NOTCH3: variants seen among roughly 807,000 people sequenced by gnomAD.
The protein encoded by NOTCH3 is notch receptor 3, also known as neurogenic locus notch homolog protein 3.
NOTCH3 carries 86 observed loss-of-function variants against 213.3 expected under a neutral mutation model. The observed-to-expected ratio is 0.40, with a 90% CI of 0.34 to 0.48. NOTCH3 has a LOEUF of 0.48. Ranked by LOEUF, NOTCH3 falls within the 20% of genes least tolerant of loss-of-function variation. NOTCH3 has a pLI of 0.57. For synonymous variants in NOTCH3, 1,354 were observed against 1,355.9 expected (o/e 1.00, Z 0.03); for missense variants, 2,783 against 3,272.6 (o/e 0.85, Z 3.65).
In NOTCH3 at chr19:15,181,229, AGTCCCGCTGTTAGCGCTGGGGAC is replaced by A. The variant is rs1017516533; in HGVS notation, c.2793-90_2793-68del. ...CTCACAGGCCCTGCCCTCCTTCCTG[AGTCCCGCTGTTAGCGCTGGGGAC>A]GTCCCACTCCCTGACCCTTATCTCG... On this transcript the variant is annotated intron_variant, in intron 17 of 32. Coordinates refer to ENST00000263388, the MANE Select transcript of NOTCH3 (RefSeq NM_000435.3). 2.1e-6 allele frequency: 3 copies of A among 1,429,832 alleles called. No individual in the cohort carries two copies. In the African/African-American group the frequency reaches 4.2e-5, roughly 20 times the overall value. 88.6% of individuals were successfully genotyped at this position (1,429,832 alleles called of 1,614,324 possible). A position where few individuals can be genotyped will look rare whatever the true frequency, so the allele number is the denominator to read the frequency against.
intron 31 of NOTCH3, among the ~76,000 whole-genome samples, chr19:15,164,956 A>C (rs1364391285): frequency 2.6e-5 from 4 of 152,122 alleles, no homozygotes; most frequent in African/African-American, 9.7e-5. Flanking sequence ...AATCTTTCAA[A>C]AAACTTTTGT....
Position 15,189,285 on chromosome 19 carries a change from C to T in NOTCH3, c.1180G>A (p.Glu394Lys), listed in dbSNP as rs1255386444. 6.2e-7 allele frequency: 1 copy of T among 1,614,086 alleles called. No homozygotes were observed. Among genetic ancestry groups the T allele is most frequent in the Non-Finnish European group, 8.5e-7 (1 of 1,180,032 alleles). ...GAGCTCCCCTCACCGATAGAGCACTCGTCCACATCCTGGTCACATGCCCCA... is the reference window on the plus strand; with the variant it reads ...GAGCTCCCCTCACCGATAGAGCACTTGTCCACATCCTGGTCACATGCCCCA... ...TGGACDQDVD[E>K]CSIGANPCEH... The change falls in exon 7 of 33, where the codon GAG becomes AAG. Residue 394 changes from glutamate to lysine, a missense_variant. Physicochemically the swap from Glu to Lys is moderately conservative, Grantham distance 56 (BLOSUM62 1). This residue lies in a region of NOTCH3 where 708 missense variants were observed against 906.6 expected (regional missense o/e 0.78). Coordinates refer to ENST00000263388, the MANE Select transcript of NOTCH3 (RefSeq NM_000435.3).
chr19:15,160,269 TAA>T lies in NOTCH3; in HGVS notation c.*391_*392del, dbSNP rs1468451420. 1.7e-5 allele frequency: 4 copies of T among 240,718 alleles called. No individual in the cohort carries two copies. The highest frequency in any genetic ancestry group is 6.7e-5 in the African/African-American group (3 of 44,928). 14.9% of individuals were successfully genotyped at this position (240,718 alleles called of 1,614,324 possible). ...TATATTTTGTAAAAAATAATAATAA[TAA>T]GTTTGTTTAAATGAATTTGTTTCTA... On this transcript the variant is annotated 3_prime_UTR_variant, in exon 33 of 33. Transcript: ENST00000263388.
rs2046876780 is a variant in NOTCH3, at chr19:15,185,738, G to A, written c.1952-59C>T. On this transcript the variant is annotated intron_variant, in intron 12 of 32. Coordinates refer to ENST00000263388, the MANE Select transcript of NOTCH3 (RefSeq NM_000435.3). This position sits in a 1 kb window ranked among gnomAD's most constrained non-coding sequence, Gnocchi z 4.2. ...AAAGTCAGCAGGGACAACCAGGGAG[G>A]GACGACGTGACCCCACTTAGCACAC... is the stretch of plus-strand genomic sequence containing the variant. The A allele has an allele frequency of 6.4e-7, 1 of 1,563,362 alleles. No homozygotes were observed. Among genetic ancestry groups the A allele is most frequent in the Non-Finnish European group, 8.8e-7 (1 of 1,141,618 alleles).
In NOTCH3 at chr19:15,192,337, C is replaced by T. The variant is rs1447376078; in HGVS notation, c.341-39G>A. On this transcript the variant is annotated intron_variant, in intron 3 of 32. Transcript: ENST00000263388. ...GACAGGGTGAGTTTAGGACTGACCACACCCCCGACTACCTCCCCTCCAGAC... is the reference window on the plus strand; with the variant it reads ...GACAGGGTGAGTTTAGGACTGACCATACCCCCGACTACCTCCCCTCCAGAC... The T allele has an allele frequency of 2.5e-6, 4 of 1,612,478 alleles. No homozygotes were observed. The African/African-American group carries it at 5.3e-5, about 22-fold the overall frequency.
chr19:15,167,267 C>T lies in NOTCH3; in HGVS notation c.5344G>A (p.Val1782Ile), dbSNP rs2145394556. The T allele has an allele frequency of 1.2e-6, 2 of 1,613,158 alleles. No individual in the cohort carries two copies. The highest frequency in any genetic ancestry group is 1.7e-6 in the Non-Finnish European group (2 of 1,179,382). Residue 1782 changes from valine (V) to isoleucine (I), a missense_variant, in exon 29 of 33, where the codon GTC becomes ATC. This residue lies in a region of NOTCH3 where 636 missense variants were observed against 801.8 expected (regional missense o/e 0.79). Transcript: ENST00000263388. Reference sequence around the variant, plus strand: ...CACTAACCTGGGCCACGCACATTGACATCCATGCCATCAGCATCTGCGTCG... The same window carrying T: ...CACTAACCTGGGCCACGCACATTGATATCCATGCCATCAGCATCTGCGTCG... ...QGDADADGMD[V>I]NVRGPDGFTP...
Position 15,179,456 on chromosome 19 carries a change from ACG to A in NOTCH3, c.3366_3367del (p.Val1123GlyfsTer16). On this transcript the variant is annotated frameshift_variant, in exon 21 of 33. Transcript: ENST00000263388. LOFTEE classifies it high-confidence loss of function. ...GCAGGGCTGGGAGGCACACTCGTCC[ACG>A]TCGTCCTCACAGTTATCACCATTGT... 6.2e-7 allele frequency: 1 copy of A among 1,614,134 alleles called. No homozygotes were observed. The highest frequency in any genetic ancestry group is 8.5e-7 in the Non-Finnish European group (1 of 1,180,034).
chr19:15,170,479 C>T lies in NOTCH3; in HGVS notation c.4966G>A (p.Val1656Ile). The T allele has an allele frequency of 6.2e-7, 1 of 1,607,226 alleles. No individual in the cohort carries two copies. Among genetic ancestry groups the T allele is most frequent in the South Asian group, 1.1e-5 (1 of 91,086 alleles). The change falls in exon 27 of 33, where the codon GTC (valine) becomes ATC (isoleucine). Residue 1656 changes from valine (V) to isoleucine (I), a missense_variant. Physicochemically the swap from Val to Ile is conservative, Grantham distance 29. Transcript: ENST00000263388. ...LLVAGAVLLL[V>I]ILVLGVMVAR... ...ACCATGACACCCAGGACGAGAATGACCAGCAGCAAGACAGCGCCCGCCACT... is the reference window on the plus strand; with the variant it reads ...ACCATGACACCCAGGACGAGAATGATCAGCAGCAAGACAGCGCCCGCCACT...
chr19:15,197,465 CAG>C, intron 2 of NOTCH3, 33 bp downstream of exon 2: 2 of 1,425,902 alleles, frequency 1.4e-6, no homozygotes, highest in Non-Finnish European at 2.0e-6. Flanking sequence ...CCCCCACACA[CAG>C]GGCCCACTGG....
At chr19:15,195,035 G>A (rs2046958713) in intron 2 of NOTCH3, among the ~76,000 whole-genome samples, 1 of 151,554 alleles carries the variant, frequency 6.6e-6, no homozygotes. Flanking sequence ...CACACAGACA[G>A]GCCCAGAAAC....
rs889655344 is a variant in NOTCH3, at chr19:15,165,692, G to C, written c.5667+95C>G. ...CCATATATCCCCATTTTCCAAATGA[G>C]AAAAAATGAGTCTGAAAGGCAGAAC... On this transcript the variant is annotated intron_variant, in intron 30 of 32. Coordinates refer to ENST00000263388, the MANE Select transcript of NOTCH3 (RefSeq NM_000435.3). The surrounding 1 kb of genome is among the most constrained non-coding windows in gnomAD (Gnocchi z 4.7). The C allele has an allele frequency of 6.1e-6, 9 of 1,480,130 alleles. No homozygotes were observed. The highest frequency in any genetic ancestry group is 7.4e-6 in the Non-Finnish European group (8 of 1,084,272). 91.7% of individuals were successfully genotyped at this position (1,480,130 alleles called of 1,614,324 possible). A position where few individuals can be genotyped will look rare whatever the true frequency, so the allele number is the denominator to read the frequency against.
chr19:15,179,718 T>C (rs1270667409), intron 20 of NOTCH3: 4 of 597,544 alleles, frequency 6.7e-6, no homozygotes, highest in East Asian at 2.9e-5. Flanking sequence ...CCTGTCACTA[T>C]GAAAAATACA....
chr19:15,194,473 G>A (rs151134953), intron 2 of NOTCH3, among the ~76,000 whole-genome samples: 6 of 152,248 alleles, frequency 3.9e-5, no homozygotes, highest in African/African-American at 9.6e-5. Flanking sequence ...AATTACTATT[G>A]TTCAAGCTAC....
intron 12 of NOTCH3, among the ~76,000 whole-genome samples, chr19:15,186,054 G>A (rs973801627): frequency 2.7e-5 from 4 of 150,870 alleles, no homozygotes; most frequent in Non-Finnish European, 4.4e-5. Context: ...CTACAGTTGC[G>A]CACCACCACG....
chr19:15,197,441 G>GCCCCAC, intron 2 of NOTCH3, 59 bp downstream of exon 2: 16 of 768,334 alleles, frequency 2.1e-5, no homozygotes, highest in African/African-American at 3.4e-5. Context: ...AAGACAAATC[G>GCCCCAC]CCCCTCCCCC....
Position 15,159,112 on chromosome 19 carries a change from T to C in NOTCH3, c.*1550A>G, listed in dbSNP as rs888352962. On this transcript the variant is annotated 3_prime_UTR_variant, in exon 33 of 33. Coordinates refer to ENST00000263388, the MANE Select transcript of NOTCH3 (RefSeq NM_000435.3). ...AACCCATAGGAGCATGAAGTAAAAGTGAAATTCATGCAGAACCATGATCAG... is the reference window on the plus strand; with the variant it reads ...AACCCATAGGAGCATGAAGTAAAAGCGAAATTCATGCAGAACCATGATCAG... The C allele has an allele frequency of 6.6e-6, 1 of 152,136 alleles. No individual in the cohort carries two copies. The highest frequency in any genetic ancestry group is 6.6e-5 in the Admixed American group (1 of 15,262). 9.4% of individuals were successfully genotyped at this position (152,136 alleles called of 1,614,324 possible).
chr19:15,186,956 C>T lies in NOTCH3; in HGVS notation c.1873G>A (p.Ala625Thr), dbSNP rs747633377. 79 of 1,614,096 alleles carry T rather than the reference C, an allele frequency of 4.9e-5. No homozygotes were observed. Among genetic ancestry groups the T allele is most frequent in the Non-Finnish European group, 6.3e-5 (74 of 1,180,048 alleles). ...ACTCCAAAGGTGCAGGGGTTGCTGG[C>T]ACAGTCGTCAATGTTCACTTCGCAG... ...VNCEVNIDDCASNPCTFGVCR... is the reference protein window; with the variant it reads ...VNCEVNIDDCTSNPCTFGVCR... Residue 625 changes from alanine to threonine, a missense_variant, in exon 12 of 33, where the codon GCC (alanine) becomes ACC (threonine). Physicochemically the swap from Ala to Thr is moderately conservative, Grantham distance 58 (BLOSUM62 0). Coordinates refer to ENST00000263388, the MANE Select transcript of NOTCH3 (RefSeq NM_000435.3).
rs1015376254 is a variant in NOTCH3 at position 15,192,456 on chromosome 19, A to G, written c.261T>C (p.Cys87=). ...QLEDPCHSGP[C]AGRGVCQSSV... Reference sequence around the variant, plus strand: ...AACTCTGGCAGACACCACGGCCAGCACAGGGGCCTGAGTGACAGGGGTCCT... The same window carrying G: ...AACTCTGGCAGACACCACGGCCAGCGCAGGGGCCTGAGTGACAGGGGTCCT... The change falls in exon 3 of 33, where the codon TGT becomes TGC. Residue 87 remains cysteine, a synonymous_variant. Transcript: ENST00000263388. 1.9e-6 allele frequency: 3 copies of G among 1,611,902 alleles called. No homozygotes were observed. In the Admixed American group the frequency reaches 5.0e-5, roughly 27 times the overall value.
Position 15,187,086 on chromosome 19 carries a change from C to CCCCAGCCCCCGGTCCCACCTGTGGT in NOTCH3, c.1834_1840+18dup. ...TGCCCCTCCAGGTGTGCTGTTTCTG[C>CCCCAGCCCCCGGTCCCACCTGTGGT]CCCAGCCCCCGGTCCCACCTGTGGT... is the stretch of plus-strand genomic sequence containing the variant. On this transcript the variant is annotated intron_variant, in intron 11 of 32. Transcript: ENST00000263388. The CCCCAGCCCCCGGTCCCACCTGTGGT allele has an allele frequency of 2.5e-6, 4 of 1,610,492 alleles. No individual in the cohort carries two copies. In the South Asian group the frequency reaches 3.3e-5, roughly 13 times the overall value.
Sources: gnomAD v4.1 joint callset for allele counts (sites outside exome capture counted in the v4.1 genomes callset) on GRCh38, gnomAD v4.1.1 for gene constraint, gnomAD v4.1.1 regional missense constraint, Gnocchi (gnomAD v3.1) non-coding constraint, MANE v1.5 for transcripts, NCBI Gene and HGNC (gene_info 2026-07-23, HGNC 2026-07-21) for gene names.